Variants in EFHC2 observed in about 807,000 individuals in gnomAD.
EFHC2 encodes EF-hand domain containing 2.
A neutral mutation model predicts 52.7 loss-of-function variants in EFHC2; 18 were observed. That is an observed-to-expected ratio of 0.34 (90% CI 0.24 to 0.51). EFHC2 has a LOEUF of 0.51. Ranked by LOEUF, EFHC2 falls within the 20% of genes least tolerant of loss-of-function variation. The pLI, the probability that EFHC2 is intolerant of heterozygous loss-of-function variation, is 0.97. For missense variants in EFHC2, 513 were observed against 562.5 expected (o/e 0.91, Z 0.89); for synonymous variants, 203 against 204.1 (o/e 0.99, Z 0.04).
intron 13 of EFHC2, among the ~76,000 whole-genome samples, chrX:44,176,009 C>A (rs1051148576): frequency 7.3e-4 from 82 of 112,236 alleles, no homozygotes; most frequent in African/African-American, 2.6e-3. Context: ...GTCCTCCTAA[C>A]CAACAAAGTT....
intron 13 of EFHC2, among the ~76,000 whole-genome samples, chrX:44,170,112 A>G (rs1165720745): frequency 9.0e-6 from 1 of 111,564 alleles, no homozygotes; most frequent in African/African-American, 3.3e-5. Context: ...TTTGATATGA[A>G]GAAAATTTTA....
intron 11 of EFHC2, among the ~76,000 whole-genome samples, chrX:44,186,129 T>C (rs1360612965): frequency 8.9e-6 from 1 of 111,909 alleles, no homozygotes; most frequent in East Asian, 2.8e-4. Context: ...AAATTCAGTA[T>C]GTCTTGGTGC....
intron 11 of EFHC2, among the ~76,000 whole-genome samples, chrX:44,207,846 G>C (rs769578246): frequency 1.8e-5 from 2 of 112,394 alleles, no homozygotes; most frequent in Non-Finnish European, 3.8e-5. Flanking sequence ...AACATGAACA[G>C]ACACTTCTCA....
At chrX:44,150,283 G>A (rs2036559814) in intron 14 of EFHC2, among the ~76,000 whole-genome samples, 1 of 111,772 alleles carries the variant, frequency 8.9e-6, no homozygotes. Flanking sequence ...CACCTTATGG[G>A]ATGAAAAACA....
chrX:44,282,577 C>T (rs1379952500), intron 2 of EFHC2, among the ~76,000 whole-genome samples: 1 of 68,002 alleles, frequency 1.5e-5, no homozygotes, highest in Non-Finnish European at 2.7e-5. Context: ...GATCGCACTA[C>T]TGCAATCCAG....
intron 13 of EFHC2, among the ~76,000 whole-genome samples, chrX:44,164,281 CTTG>C (rs1303015668): frequency 2.7e-5 from 3 of 112,139 alleles, no homozygotes; most frequent in African/African-American, 6.5e-5. Flanking sequence ...TCAATAAATA[CTTG>C]TTGTAGTTGC....
intron 11 of EFHC2, among the ~76,000 whole-genome samples, chrX:44,185,625 C>T (rs1001130681): frequency 9.1e-6 from 1 of 110,451 alleles, no homozygotes; most frequent in Non-Finnish European, 1.9e-5. Context: ...CAACCACGAA[C>T]TCCTGAGCTC....
chrX:44,332,693 T>C (rs1193715521), intron 1 of EFHC2, among the ~76,000 whole-genome samples: 1 of 111,057 alleles, frequency 9.0e-6, no homozygotes, highest in Non-Finnish European at 1.9e-5. Flanking sequence ...TCCTGACTGA[T>C]GAATATGCAT....
At chrX:44,316,793 A>G (rs1435243032) in intron 1 of EFHC2, among the ~76,000 whole-genome samples, 1 of 112,195 alleles carries the variant, frequency 8.9e-6, no homozygotes, top group African/African-American at 3.2e-5. Flanking sequence ...AAAAACACAA[A>G]CAATTGAATT....
chrX:44,277,258 C>CAAAAAA (rs753856788), intron 2 of EFHC2, among the ~76,000 whole-genome samples: 2 of 21,782 alleles, frequency 9.2e-5, no homozygotes, highest in African/African-American at 1.6e-4. Context: ...GACTCCAGCT[C>CAAAAAA]AAAAAAAAAA....
intron 11 of EFHC2, among the ~76,000 whole-genome samples, chrX:44,210,813 A>T (rs1398958620): frequency 8.9e-6 from 1 of 112,515 alleles, no homozygotes; most frequent in Non-Finnish European, 1.9e-5. Flanking sequence ...CCATAGAAGC[A>T]AAAACTGATA....
rs768193951 is a variant in EFHC2 at position 44,287,533 on chromosome X, A to G, written c.232-14697T>C. Reference sequence around the variant, plus strand: ...CCTTCATTTACTTATTCCATGAGTGAGGTAAAGAACAGTTCACTTACTCAT... The same window carrying G: ...CCTTCATTTACTTATTCCATGAGTGGGGTAAAGAACAGTTCACTTACTCAT... On this transcript the variant is annotated intron_variant, in intron 2 of 14. Transcript: ENST00000420999. Among the ~76,000 whole-genome samples the G allele has an allele frequency of 4.4e-5, 5 of 112,468 alleles. No homozygotes were observed. The East Asian group carries it at 1.4e-3, about 31-fold the overall frequency.
chrX:44,277,544 A>T (rs1457831288), intron 2 of EFHC2, among the ~76,000 whole-genome samples: 1 of 111,734 alleles, frequency 8.9e-6, no homozygotes, highest in East Asian at 2.8e-4. Flanking sequence ...ATTCTTCCTG[A>T]AAAAGCTGTT....
intron 13 of EFHC2, among the ~76,000 whole-genome samples, chrX:44,169,765 T>C (rs2036729385): frequency 9.0e-6 from 1 of 110,660 alleles, no homozygotes; most frequent in South Asian, 3.9e-4. Context: ...TCTCTCTCTC[T>C]CTCATCATGA....
At chrX:44,200,492 A>C (rs1384578748) in intron 11 of EFHC2, among the ~76,000 whole-genome samples, 2 of 111,811 alleles carry the variant, frequency 1.8e-5, no homozygotes, top group East Asian at 2.8e-4. Flanking sequence ...GAAACACAAC[A>C]ATTAAATAGT....
chrX:44,283,532 CTTTT>C (rs3049061), intron 2 of EFHC2, among the ~76,000 whole-genome samples: 5 of 88,574 alleles, frequency 5.6e-5, no homozygotes, highest in African/African-American at 4.5e-5. Flanking sequence ...ACGGAAGTAC[CTTTT>C]TTTTTTTTTT....
chrX:44,215,214 G>A (rs982521044), intron 11 of EFHC2, among the ~76,000 whole-genome samples: 2 of 111,135 alleles, frequency 1.8e-5, no homozygotes, highest in African/African-American at 6.6e-5. Context: ...CTGCAAAACT[G>A]TAAGTCAATT....
chrX:44,153,126 T>A (rs1268327569), intron 14 of EFHC2, among the ~76,000 whole-genome samples: 1 of 112,092 alleles, frequency 8.9e-6, no homozygotes, highest in East Asian at 2.8e-4. Flanking sequence ...GGAATTGTGA[T>A]TTAAATGCTG....
intron 1 of EFHC2, among the ~76,000 whole-genome samples, chrX:44,327,296 T>G (rs757790533): frequency 6.2e-5 from 7 of 112,079 alleles, no homozygotes; most frequent in African/African-American, 2.3e-4. Context: ...GGATCTAGAC[T>G]CAATCCCTTA....
Sources: allele counts gnomAD v4.1 joint callset (sites outside exome capture counted in the v4.1 genomes callset), GRCh38; gene constraint gnomAD v4.1.1; transcripts MANE v1.5; gene names NCBI Gene and HGNC (gene_info 2026-07-23, HGNC 2026-07-21).